Variants in YBX1 observed in about 807,000 individuals in gnomAD.
YBX1 encodes the protein Y-box binding protein 1.
A neutral mutation model predicts 41.4 loss-of-function variants in YBX1; 3 were observed. That is an observed-to-expected ratio of 0.07 (90% CI 0.03 to 0.19). YBX1 has a LOEUF of 0.19. YBX1 is among the 10% of genes least tolerant of loss of function. YBX1 has a pLI of 1.00. For missense variants in YBX1, 274 were observed against 462.8 expected, an observed-to-expected ratio of 0.59 and a Z score of 3.74; for synonymous variants, 133 against 165.8, an observed-to-expected ratio of 0.80 and a Z score of 1.52.
At chr1:42,693,272 CT>C (rs144349068) in intron 2 of YBX1, among the ~76,000 whole-genome samples, 52,185 of 143,894 alleles carry the variant, frequency 0.36, 8,871 homozygotes, top group African/African-American at 0.42. Flanking sequence ...ATTTCTTAGA[CT>C]TTTTTTTTTT....
At chr1:42,689,719 T>C (rs1650283409) in intron 2 of YBX1, among the ~76,000 whole-genome samples, 2 of 152,196 alleles carry the variant, frequency 1.3e-5, no homozygotes, top group African/African-American at 2.4e-5. Context: ...TGGAGAATTA[T>C]CTGGCAAGCT....
intron 3 of YBX1, among the ~76,000 whole-genome samples, chr1:42,694,829 C>G (rs1395981725): frequency 6.6e-6 from 1 of 152,168 alleles, no homozygotes; most frequent in East Asian, 1.9e-4. Context: ...TCCTTACTCC[C>G]CTTCTGCATG....
chr1:42,694,649 A>G (rs1650416681), intron 3 of YBX1, among the ~76,000 whole-genome samples: 1 of 152,232 alleles, frequency 6.6e-6, no homozygotes, highest in South Asian at 2.1e-4. Flanking sequence ...AAGCTATATC[A>G]ATTTCTAGTA....
Position 42,700,962 on chromosome 1 carries a change from C to A in YBX1, c.922C>A (p.Pro308Thr), listed in dbSNP as rs569981640. ...TGGCAAAGAGACAAAAGCAGCCGAT[C>A]CACCAGCTGAGAATTCGTCCGCTCC... Reference protein sequence around the residue: ...QDGKETKAADPPAENSSAPEA... With the variant: ...QDGKETKAADTPAENSSAPEA... Residue 308 changes from proline to threonine, a missense_variant, in exon 7 of 8, where the codon CCA (proline) becomes ACA (threonine). Physicochemically the swap from Pro to Thr is conservative, Grantham distance 38 (BLOSUM62 -1). Coordinates refer to ENST00000321358, the MANE Select transcript of YBX1 (RefSeq NM_004559.5). 1.9e-6 allele frequency: 3 copies of A among 1,614,192 alleles called. No homozygotes were observed. The highest frequency in any genetic ancestry group is 3.3e-5 in the Admixed American group (2 of 60,020).
intron 3 of YBX1, 76 bp downstream of exon 3, chr1:42,693,599 T>C: frequency 1.3e-6 from 2 of 1,527,716 alleles, no homozygotes; most frequent in Non-Finnish European, 1.8e-6. Flanking sequence ...TTCTCAGCTT[T>C]TGTTCCTTAT....
At chr1:42,690,899 T>G (rs1650313419) in intron 2 of YBX1, among the ~76,000 whole-genome samples, 1 of 152,212 alleles carries the variant, frequency 6.6e-6, no homozygotes. Context: ...AGAGCTTACA[T>G]TCACTGCCGG....
Position 42,696,312 on chromosome 1 carries a change from G to T in YBX1, c.354+24G>T, listed in dbSNP as rs1374142423. On this transcript the variant is annotated intron_variant, in intron 4 of 7. Coordinates refer to ENST00000321358, the MANE Select transcript of YBX1 (RefSeq NM_004559.5). The surrounding 1 kb of genome is among the most constrained non-coding windows in gnomAD (Gnocchi z 5.7). The stretch of plus-strand genomic sequence containing the variant: ...AGGTGAGGATGCTTTTTGTGTAAAG[G>T]TTTGACTTCAGTATGGAAATATTTT... The T allele has an allele frequency of 6.2e-7, 1 of 1,608,350 alleles. No individual in the cohort carries two copies. Among genetic ancestry groups the T allele is most frequent in the Non-Finnish European group, 8.5e-7 (1 of 1,176,798 alleles).
chr1:42,699,836 A>G (rs571404874), intron 6 of YBX1, among the ~76,000 whole-genome samples: 3 of 152,342 alleles, frequency 2.0e-5, no homozygotes, highest in South Asian at 4.1e-4. Context: ...TAAGAAAAAT[A>G]GGAAGGTACA....
At chr1:42,686,418 T>C (rs1421740725) in intron 2 of YBX1, among the ~76,000 whole-genome samples, 1 of 152,202 alleles carries the variant, frequency 6.6e-6, no homozygotes, top group Non-Finnish European at 1.5e-5. Flanking sequence ...TAGCTGGCTT[T>C]GGGGGCCTGT....
chr1:42,684,581 C>T (rs1553134581), intron 2 of YBX1, among the ~76,000 whole-genome samples: 1 of 152,176 alleles, frequency 6.6e-6, no homozygotes, highest in Non-Finnish European at 1.5e-5. Context: ...TGGAAACACT[C>T]AGAGTAAGAG....
chr1:42,686,145 A>ACC (rs1650191044), intron 2 of YBX1, among the ~76,000 whole-genome samples: 1 of 152,216 alleles, frequency 6.6e-6, no homozygotes. Context: ...ATGAATTGGC[A>ACC]ACAGTTTATA....
At chr1:42,686,193 C>T (rs2148735610) in intron 2 of YBX1, among the ~76,000 whole-genome samples, 1 of 152,234 alleles carries the variant, frequency 6.6e-6, no homozygotes, top group South Asian at 2.1e-4. Flanking sequence ...TTCCAGAGTA[C>T]TTAAAATGTT....
Position 42,696,069 on chromosome 1 carries a change from G to A in YBX1, c.265-130G>A. 1.5e-6 allele frequency: 1 copy of A among 685,850 alleles called. No individual in the cohort carries two copies. Among genetic ancestry groups the A allele is most frequent in the Non-Finnish European group, 2.2e-6 (1 of 444,914 alleles). 42.5% of individuals were successfully genotyped at this position (685,850 alleles called of 1,614,324 possible). A position where few individuals can be genotyped will look rare whatever the true frequency, so the allele number is the denominator to read the frequency against. On this transcript the variant is annotated intron_variant, in intron 3 of 7. Transcript: ENST00000321358. This position sits in a 1 kb window ranked among gnomAD's most constrained non-coding sequence, Gnocchi z 5.7. Reference sequence around the variant, plus strand: ...TCCCCGCTTTCCTAAATTTATTGATGGTTTGGTCTTATTTAAAGCAAATCT... The same window carrying A: ...TCCCCGCTTTCCTAAATTTATTGATAGTTTGGTCTTATTTAAAGCAAATCT...
At chr1:42,695,873 T>C (rs548736804) in intron 3 of YBX1, among the ~76,000 whole-genome samples, 1 of 152,252 alleles carries the variant, frequency 6.6e-6, no homozygotes, top group Non-Finnish European at 1.5e-5. Flanking sequence ...AGGGGATAGA[T>C]GGATATCCTC....
rs756015887 is a variant in YBX1, at chr1:42,696,153, C to T, written c.265-46C>T. On this transcript the variant is annotated intron_variant, in intron 3 of 7. Transcript: ENST00000321358. The surrounding 1 kb of genome is among the most constrained non-coding windows in gnomAD (Gnocchi z 5.7). ...CTGGTACATTTTAAATGAAAAAGCACATTATTCTCCCCTGTTAATCTATTT... is the reference window on the plus strand; with the variant it reads ...CTGGTACATTTTAAATGAAAAAGCATATTATTCTCCCCTGTTAATCTATTT... 1 of 1,492,032 alleles carries T rather than the reference C, an allele frequency of 6.7e-7. No individual in the cohort carries two copies. Among genetic ancestry groups the T allele is most frequent in the Non-Finnish European group, 9.2e-7 (1 of 1,092,274 alleles). 92.4% of individuals were successfully genotyped at this position (1,492,032 alleles called of 1,614,324 possible).
intron 3 of YBX1, among the ~76,000 whole-genome samples, chr1:42,694,505 T>C (rs1650413413): frequency 6.6e-6 from 1 of 152,186 alleles, no homozygotes; most frequent in African/African-American, 2.4e-5. Context: ...TCAAAAGACC[T>C]AAAAGTTAAT....
chr1:42,690,249 T>C (rs557538075), intron 2 of YBX1, among the ~76,000 whole-genome samples: 13 of 145,884 alleles, frequency 8.9e-5, no homozygotes, highest in Non-Finnish European at 1.4e-4. Flanking sequence ...TTTCTTTTCT[T>C]TTTTTTTTTT....
intron 6 of YBX1, 48 bp downstream of exon 6, chr1:42,697,310 G>T (rs777818087): frequency 1.3e-6 from 2 of 1,583,012 alleles, no homozygotes; most frequent in Middle Eastern, 3.4e-4. Context: ...TCAAACCCGT[G>T]TTAGGACTCA....
rs1036572824 is a variant in YBX1, at chr1:42,703,738, A to G, written c.*1789A>G. ...TGTTTTCATGGCATCACAGAGTTGA[A>G]AAATCATAAATGAAACCATTGTAAG... On this transcript the variant is annotated 3_prime_UTR_variant, in exon 8 of 8. Coordinates refer to ENST00000321358, the MANE Select transcript of YBX1 (RefSeq NM_004559.5). 6.6e-6 allele frequency among the ~76,000 whole-genome samples: 1 copy of G among 152,156 alleles called. No individual in the cohort carries two copies. Among genetic ancestry groups the G allele is most frequent in the African/African-American group, 2.4e-5 (1 of 41,446 alleles).
Sources: allele counts gnomAD v4.1 joint callset (sites outside exome capture counted in the v4.1 genomes callset), GRCh38; gene constraint gnomAD v4.1.1; non-coding constraint Gnocchi (gnomAD v3.1); transcripts MANE v1.5; gene names NCBI Gene and HGNC (gene_info 2026-07-23, HGNC 2026-07-21).